Variants in SAMD5 observed in about 807,000 individuals in gnomAD.
SAMD5 encodes sterile alpha motif domain containing 5.
Under a neutral mutation model 11.3 loss-of-function variants are expected in SAMD5, and 13 were observed. The observed-to-expected ratio is 1.15, with a 90% CI of 0.75 to 1.83. SAMD5 has a LOEUF of 1.83. Among genes scored for constraint, SAMD5 ranks in the 40% most tolerant of loss-of-function variants. The pLI is 0.00. For missense variants in SAMD5, 255 were observed against 239.1 expected, an observed-to-expected ratio of 1.07 and a Z score of -0.44; for synonymous variants, 129 against 111.3, an observed-to-expected ratio of 1.16 and a Z score of -1.00.
chr6:147,583,471 G>A (rs1005259962), intron 1 of SAMD5, among the ~76,000 whole-genome samples: 1 of 152,124 alleles, frequency 6.6e-6, no homozygotes, highest in African/African-American at 2.4e-5. Flanking sequence ...ACAATCAGTT[G>A]TCATTGTGGC....
intron 1 of SAMD5, among the ~76,000 whole-genome samples, chr6:147,521,524 A>C (rs1293852278): frequency 6.6e-6 from 1 of 152,092 alleles, no homozygotes; most frequent in Non-Finnish European, 1.5e-5. Flanking sequence ...TGCAGTCTCA[A>C]ACAAAATTGT....
At position 147,647,007 on chromosome 6, in the gene SAMD5, AT is replaced by A. The variant is rs1388375579; in HGVS notation, c.163-90309del. 6.8e-3 allele frequency among the ~76,000 whole-genome samples: 702 copies of A among 103,840 alleles called. 6 individuals are homozygous for A. Among genetic ancestry groups the A allele is most frequent in the African/African-American group, 0.023 (677 of 29,564 alleles). 68.1% of individuals were successfully genotyped at this position (103,840 alleles called of 152,430 possible). ...AATAATAATAATAATAATAATAATA[AT>A]AATAATAAAATAGCTGGCCATGGTG... is the stretch of plus-strand genomic sequence containing the variant. On this transcript the variant is annotated intron_variant, in intron 1 of 1. Transcript: ENST00000566741.
chr6:147,830,500 G>T, the SAMD5 span, among the ~76,000 whole-genome samples: 11 of 151,628 alleles, frequency 7.3e-5, no homozygotes, highest in East Asian at 2.1e-3. Flanking sequence ...CAAATGATCC[G>T]CCGCCTCAGC....
chr6:147,819,921 C>G, the SAMD5 span, among the ~76,000 whole-genome samples: 4,599 of 152,256 alleles, frequency 0.03, 100 homozygotes, highest in Middle Eastern at 0.051. Flanking sequence ...GGCAACACCA[C>G]GCATCTTGGC....
chr6:147,600,675 C>A (rs1313457790), intron 1 of SAMD5, among the ~76,000 whole-genome samples: 1 of 152,176 alleles, frequency 6.6e-6, no homozygotes, highest in Non-Finnish European at 1.5e-5. Context: ...TGGATTGTCA[C>A]CCTTGATGAT....
chr6:147,628,543 T>C (rs6908880), intron 1 of SAMD5, among the ~76,000 whole-genome samples: 72,331 of 152,066 alleles, frequency 0.48, 17,682 homozygotes, highest in Middle Eastern at 0.57. Flanking sequence ...GTCAGGACAG[T>C]CTATCTGAAT....
At chr6:147,521,581 A>G (rs1788255970) in intron 1 of SAMD5, among the ~76,000 whole-genome samples, 1 of 152,106 alleles carries the variant, frequency 6.6e-6, no homozygotes, top group Non-Finnish European at 1.5e-5. Context: ...TAGTCTTTGT[A>G]AACCTGAATT....
the SAMD5 span, among the ~76,000 whole-genome samples, chr6:147,820,322 AATG>A: frequency 1.3e-5 from 2 of 152,220 alleles, no homozygotes; most frequent in South Asian, 2.1e-4. Flanking sequence ...TTAAAAATTA[AATG>A]ATGATATCTA....
intron 1 of SAMD5, among the ~76,000 whole-genome samples, chr6:147,613,593 C>T (rs888997677): frequency 6.6e-6 from 1 of 151,866 alleles, no homozygotes; most frequent in African/African-American, 2.4e-5. Flanking sequence ...AACTTAGTAG[C>T]TAATATTCCA....
intron 1 of SAMD5, among the ~76,000 whole-genome samples, chr6:147,637,865 T>G (rs1790253722): frequency 6.6e-6 from 1 of 152,120 alleles, no homozygotes; most frequent in Non-Finnish European, 1.5e-5. Flanking sequence ...GTTCGGTTTT[T>G]TTTTTTTTTC....
the SAMD5 span, among the ~76,000 whole-genome samples, chr6:147,931,656 T>G: frequency 6.6e-6 from 1 of 152,336 alleles, no homozygotes; most frequent in Admixed American, 6.5e-5. Flanking sequence ...AAATTCATAT[T>G]TAACTTACAG....
At chr6:147,906,607 G>A in the SAMD5 span, among the ~76,000 whole-genome samples, 1 of 152,212 alleles carries the variant, frequency 6.6e-6, no homozygotes, top group African/African-American at 2.4e-5. Context: ...AGGGACAGCT[G>A]CTGGAAGAGG....
At chr6:147,637,049 C>T (rs1790240797) in intron 1 of SAMD5, among the ~76,000 whole-genome samples, 1 of 152,212 alleles carries the variant, frequency 6.6e-6, no homozygotes, top group East Asian at 1.9e-4. Flanking sequence ...GCAGCAGGCC[C>T]CAGCAGGCTG....
At chr6:147,532,384 C>T (rs1788443587) in intron 1 of SAMD5, among the ~76,000 whole-genome samples, 1 of 151,408 alleles carries the variant, frequency 6.6e-6, no homozygotes, top group Admixed American at 6.6e-5. Context: ...TAAGTGAGAA[C>T]ATATGATATT....
chr6:147,792,723 G>C, the SAMD5 span, among the ~76,000 whole-genome samples: 12,502 of 152,144 alleles, frequency 0.082, 798 homozygotes, highest in African/African-American at 0.17. Context: ...TGTAGGACTA[G>C]AAAGTAAGGA....
chr6:147,566,759 A>G lies in SAMD5; in HGVS notation c.*2303A>G. ...CATCTTAGTTAAAGCTAGAGGAAGA[A>G]AACTTCAAATAAGCAAAGAAGTATT... On this transcript the variant is annotated 3_prime_UTR_variant, in exon 2 of 2. Coordinates refer to ENST00000367474, the MANE Select transcript of SAMD5 (RefSeq NM_001030060.3). 1 of 985,184 alleles carries G rather than the reference A, an allele frequency of 1.0e-6. No homozygotes were observed. Among genetic ancestry groups the G allele is most frequent in the East Asian group, 1.1e-4 (1 of 8,818 alleles). 61.0% of individuals were successfully genotyped at this position (985,184 alleles called of 1,614,324 possible).
intron 1 of SAMD5, among the ~76,000 whole-genome samples, chr6:147,555,896 C>T (rs1788847669): frequency 6.6e-6 from 1 of 152,130 alleles, no homozygotes; most frequent in Non-Finnish European, 1.5e-5. Context: ...AATGATACTT[C>T]TCTGTGAGGT....
the SAMD5 span, among the ~76,000 whole-genome samples, chr6:147,891,218 G>GA: frequency 1.3e-5 from 2 of 152,148 alleles, no homozygotes; most frequent in Non-Finnish European, 2.9e-5. Flanking sequence ...GTTAGAGGGA[G>GA]AATTGCATAG....
chr6:147,765,777 T>C, the SAMD5 span, among the ~76,000 whole-genome samples: 1 of 152,094 alleles, frequency 6.6e-6, no homozygotes, highest in Non-Finnish European at 1.5e-5. Flanking sequence ...CCCCAACTCA[T>C]CCTCCCTGGA....
Sources: allele counts gnomAD v4.1 joint callset (sites outside exome capture counted in the v4.1 genomes callset), GRCh38; gene constraint gnomAD v4.1.1; transcripts MANE v1.5; gene names NCBI Gene and HGNC (gene_info 2026-07-23, HGNC 2026-07-21).